Variants in PRKCE observed in about 807,000 individuals in gnomAD.
The protein encoded by PRKCE is protein kinase C epsilon, also known as protein kinase C epsilon type.
A neutral mutation model predicts 85.4 loss-of-function variants in PRKCE; 16 were observed. That is an observed-to-expected ratio of 0.19 (90% CI 0.13 to 0.28). The LOEUF (loss-of-function observed/expected upper bound fraction) is 0.28. Ranked by LOEUF, PRKCE falls within the 10% of genes least tolerant of loss-of-function variation. The pLI is 1.00. For synonymous variants in PRKCE, 388 were observed against 371.5 expected (o/e 1.04, Z -0.51); for missense variants, 573 against 975.2 (o/e 0.59, Z 5.49).
chr2:45,881,575 T>A (rs995201467), intron 2 of PRKCE, among the ~76,000 whole-genome samples: 55 of 152,228 alleles, frequency 3.6e-4, no homozygotes, highest in African/African-American at 1.3e-3. Context: ...TCTTACATAG[T>A]GCTTACTATT....
chr2:45,746,760 C>G (rs148880099), intron 1 of PRKCE, among the ~76,000 whole-genome samples: 72 of 152,284 alleles, frequency 4.7e-4, no homozygotes, highest in Admixed American at 1.1e-3. Context: ...AGCTTTCATT[C>G]AAGACTGCTT....
chr2:45,875,988 A>G (rs1251645752), intron 2 of PRKCE, among the ~76,000 whole-genome samples: 1 of 152,228 alleles, frequency 6.6e-6, no homozygotes, highest in Admixed American at 6.5e-5. Flanking sequence ...GAAGAGGTTT[A>G]GCAGCAGTGG....
chr2:46,129,994 T>C (rs17737768), intron 11 of PRKCE, among the ~76,000 whole-genome samples: 12,328 of 152,270 alleles, frequency 0.081, 596 homozygotes, highest in Non-Finnish European at 0.11. Flanking sequence ...CATCAACAGA[T>C]TAGGAAATTA....
At chr2:46,090,343 C>A (rs1670046504) in intron 11 of PRKCE, among the ~76,000 whole-genome samples, 1 of 152,168 alleles carries the variant, frequency 6.6e-6, no homozygotes, top group Non-Finnish European at 1.5e-5. Context: ...CCCTGACTCC[C>A]TCCCCTAGTG....
chr2:45,887,515 C>G (rs763907355), intron 2 of PRKCE, among the ~76,000 whole-genome samples: 2 of 151,940 alleles, frequency 1.3e-5, no homozygotes, highest in Non-Finnish European at 2.9e-5. Context: ...GGAATAAGTA[C>G]CCCGGAACCA....
At chr2:45,729,614 A>G (rs1419620045) in intron 1 of PRKCE, among the ~76,000 whole-genome samples, 1 of 152,174 alleles carries the variant, frequency 6.6e-6, no homozygotes, top group Non-Finnish European at 1.5e-5. Context: ...TTTTGAAGGG[A>G]TGTGCATACT....
intron 2 of PRKCE, among the ~76,000 whole-genome samples, chr2:45,918,664 C>A (rs1260364083): frequency 6.6e-6 from 1 of 152,178 alleles, no homozygotes; most frequent in African/African-American, 2.4e-5. Flanking sequence ...GTAAACCAAT[C>A]TGTCCACCAG....
At chr2:45,973,248 G>A (rs189776870) in intron 2 of PRKCE, among the ~76,000 whole-genome samples, 153 of 152,284 alleles carry the variant, frequency 1.0e-3, no homozygotes, top group Non-Finnish European at 1.4e-3. Context: ...ACATTGTATA[G>A]GCCACTTTCT....
chr2:45,657,634 C>T (rs909452286), intron 1 of PRKCE, among the ~76,000 whole-genome samples: 3 of 152,176 alleles, frequency 2.0e-5, no homozygotes, highest in African/African-American at 7.2e-5. Context: ...AAGTAGCTCT[C>T]TTCAGTCTGG....
chr2:45,969,410 C>G (rs1387185324), intron 2 of PRKCE, among the ~76,000 whole-genome samples: 1 of 152,196 alleles, frequency 6.6e-6, no homozygotes, highest in Non-Finnish European at 1.5e-5. Flanking sequence ...GAGGTCACGG[C>G]AAATGAACTG....
intron 1 of PRKCE, among the ~76,000 whole-genome samples, chr2:45,684,944 A>G (rs1160159533): frequency 2.6e-5 from 4 of 152,206 alleles, no homozygotes; most frequent in Non-Finnish European, 4.4e-5. Context: ...GAAGAGCTAG[A>G]TCCAGAGGGA....
chr2:45,892,587 C>T lies in PRKCE; in HGVS notation c.412+49524C>T, dbSNP rs868837875. Among the ~76,000 whole-genome samples, 3 of 152,220 alleles carry T rather than the reference C, an allele frequency of 2.0e-5. No individual in the cohort carries two copies. In the East Asian group the frequency reaches 5.8e-4, roughly 29 times the overall value. ...GTTTGTGCTCTGTTTGTGTTACAGA[C>T]CAAATGGAGTTGCCTTGGTTGTATG... On this transcript the variant is annotated intron_variant, in intron 2 of 14. Transcript: ENST00000306156.
chr2:46,023,448 A>G (rs980586774), intron 10 of PRKCE, among the ~76,000 whole-genome samples: 40 of 152,250 alleles, frequency 2.6e-4, no homozygotes, highest in African/African-American at 9.4e-4. Context: ...TATGCCAGCT[A>G]GAAGATGAAT....
At chr2:45,677,619 G>A (rs1676579710) in intron 1 of PRKCE, among the ~76,000 whole-genome samples, 1 of 152,172 alleles carries the variant, frequency 6.6e-6, no homozygotes, top group African/African-American at 2.4e-5. Context: ...GCCTCCCAAA[G>A]CAGTGAAGGT....
Position 45,679,590 on chromosome 2 carries a change from A to G in PRKCE, c.348+27142A>G, listed in dbSNP as rs3795864. On this transcript the variant is annotated intron_variant, in intron 1 of 14. Transcript: ENST00000306156. ...AGCTCATGGGTGTACAGGTTGTAATAGTTATGAAGCCTTTTCAGTAGCAGT... is the reference window on the plus strand; with the variant it reads ...AGCTCATGGGTGTACAGGTTGTAATGGTTATGAAGCCTTTTCAGTAGCAGT... Among the ~76,000 whole-genome samples the G allele has an allele frequency of 1.0e-3, 156 of 152,264 alleles. 4 individuals carry two copies. In the East Asian group the frequency reaches 0.029, roughly 28 times the overall value.
chr2:45,739,181 G>A (rs1303666926), intron 1 of PRKCE, among the ~76,000 whole-genome samples: 1 of 152,194 alleles, frequency 6.6e-6, no homozygotes, highest in East Asian at 1.9e-4. Flanking sequence ...ATACGAGAGG[G>A]TATCTCTCCT....
chr2:45,784,787 G>C (rs891415856), intron 1 of PRKCE, among the ~76,000 whole-genome samples: 19 of 152,214 alleles, frequency 1.2e-4, no homozygotes, highest in Admixed American at 2.6e-4. Context: ...TATGGGGATA[G>C]AAAGGAAAAT....
intron 10 of PRKCE, among the ~76,000 whole-genome samples, chr2:46,056,964 CA>C (rs1254138364): frequency 2.6e-5 from 4 of 152,170 alleles, no homozygotes; most frequent in Admixed American, 6.5e-5. Flanking sequence ...GGTTCTGGCT[CA>C]GGGCCTCTTG....
chr2:45,715,439 G>T (rs367748093), intron 1 of PRKCE, among the ~76,000 whole-genome samples: 6 of 152,136 alleles, frequency 3.9e-5, no homozygotes, highest in African/African-American at 1.2e-4. Context: ...TTAAAGATAC[G>T]GTTGGGTTTT....
Sources: allele counts gnomAD v4.1 joint callset (sites outside exome capture counted in the v4.1 genomes callset), GRCh38; gene constraint gnomAD v4.1.1; transcripts MANE v1.5; gene names NCBI Gene and HGNC (gene_info 2026-07-23, HGNC 2026-07-21).